The following MCC variants were observed in gnomAD, a reference collection of about 807,000 sequenced individuals.
MCC encodes colorectal mutant cancer protein.
MCC carries 90 observed loss-of-function variants against 116.2 expected under a neutral mutation model. The observed-to-expected ratio is 0.77, with a 90% confidence interval of 0.65 to 0.92. MCC has a LOEUF of 0.92. MCC is among the 40% of genes least tolerant of loss of function. The pLI, the probability that MCC is intolerant of heterozygous loss-of-function variation, is 0.00. For missense variants in MCC, 1,516 were observed against 1,312.2 expected (o/e 1.16, Z -2.40); for synonymous variants, 578 against 510.5 (o/e 1.13, Z -1.78).
At chr5:113,293,003 C>G (rs558180553) in intron 3 of MCC, among the ~76,000 whole-genome samples, 1 of 152,312 alleles carries the variant, frequency 6.6e-6, no homozygotes, top group African/African-American at 2.4e-5. Context: ...CTCAGCATTT[C>G]TTGAGTCTTC....
At chr5:113,268,544 A>G (rs1224741963) in intron 3 of MCC, among the ~76,000 whole-genome samples, 1 of 152,200 alleles carries the variant, frequency 6.6e-6, no homozygotes, top group Admixed American at 6.5e-5. Flanking sequence ...GTCAAAAGGT[A>G]GCTAAGGTAG....
At chr5:113,094,441 A>C in intron 8 of MCC, among the ~76,000 whole-genome samples, 1 of 116,946 alleles carries the variant, frequency 8.6e-6, no homozygotes, top group East Asian at 2.2e-4. Context: ...TTTTTTTTTG[A>C]GACAGAATCT....
At chr5:113,339,691 AG>A (rs1767963305) in intron 3 of MCC, among the ~76,000 whole-genome samples, 1 of 152,196 alleles carries the variant, frequency 6.6e-6, no homozygotes. Context: ...TACAATTGCT[AG>A]TTCCTTCAAA....
intron 3 of MCC, among the ~76,000 whole-genome samples, chr5:113,280,181 C>T (rs539536766): frequency 2.8e-4 from 43 of 152,242 alleles, no homozygotes; most frequent in African/African-American, 8.2e-4. Flanking sequence ...ACTGGGTGGG[C>T]CCCTGGGGCT....
chr5:113,248,044 G>A (rs1362774564), intron 3 of MCC, among the ~76,000 whole-genome samples: 2 of 152,120 alleles, frequency 1.3e-5, no homozygotes, highest in Admixed American at 6.5e-5. Context: ...GCTGGAAGAA[G>A]CAGAAGTCAG....
In MCC at chr5:113,122,675, CA is replaced by C. The variant is rs760657643; in HGVS notation, c.1027+8del. 3.1e-6 allele frequency: 5 copies of C among 1,613,372 alleles called. No homozygotes were observed. The East Asian group carries it at 1.1e-4, about 36-fold the overall frequency. ...ACTCTGGCTTGGTGGCAAGGGCAGG[CA>C]GACTCACCCATGTCAGCAGTAACCA... On this transcript the variant is annotated splice_region_variant and intron_variant, in intron 6 of 18. Coordinates refer to ENST00000408903, the MANE Select transcript of MCC (RefSeq NM_001085377.2).
chr5:113,212,505 T>C (rs940789787), intron 3 of MCC, among the ~76,000 whole-genome samples: 5 of 152,200 alleles, frequency 3.3e-5, no homozygotes, highest in African/African-American at 9.7e-5. Context: ...GCAGACAGCT[T>C]CACTATAATG....
chr5:113,077,942 A>G (rs1192203254), intron 11 of MCC, among the ~76,000 whole-genome samples: 1 of 152,086 alleles, frequency 6.6e-6, no homozygotes, highest in East Asian at 1.9e-4. Context: ...AGATGAATCA[A>G]ATAGACGCAA....
intron 1 of MCC, among the ~76,000 whole-genome samples, chr5:113,484,559 T>C (rs550687851): frequency 6.6e-6 from 1 of 152,308 alleles, no homozygotes; most frequent in Admixed American, 6.5e-5. Context: ...AATGGAATTA[T>C]AAGTTGTAAA....
intron 8 of MCC, among the ~76,000 whole-genome samples, chr5:113,093,771 G>C (rs1755816014): frequency 6.6e-6 from 1 of 152,112 alleles, no homozygotes; most frequent in South Asian, 2.1e-4. Context: ...TCACAGATGA[G>C]TGACAAGCAG....
At chr5:113,407,124 T>G (rs1046260019) in intron 1 of MCC, among the ~76,000 whole-genome samples, 1 of 152,208 alleles carries the variant, frequency 6.6e-6, no homozygotes, top group Non-Finnish European at 1.5e-5. Flanking sequence ...TAGAGTAAGT[T>G]AAAATAATTA....
chr5:113,182,509 T>A (rs1354678590), intron 3 of MCC, among the ~76,000 whole-genome samples: 1 of 152,058 alleles, frequency 6.6e-6, no homozygotes, highest in African/African-American at 2.4e-5. Context: ...GGTAGGAGAA[T>A]AGCTTGAACC....
intron 3 of MCC, among the ~76,000 whole-genome samples, chr5:113,196,466 G>A (rs1458380275): frequency 2.0e-5 from 3 of 152,216 alleles, no homozygotes; most frequent in African/African-American, 7.2e-5. Context: ...GCCCCATGTT[G>A]CTAGATACTA....
At chr5:113,459,003 C>T (rs1021247498) in intron 1 of MCC, among the ~76,000 whole-genome samples, 35 of 152,232 alleles carry the variant, frequency 2.3e-4, no homozygotes, top group African/African-American at 8.2e-4. Flanking sequence ...TCAAACATCC[C>T]TAACCTTGCC....
At chr5:113,197,548 C>G (rs1009106884) in intron 3 of MCC, among the ~76,000 whole-genome samples, 6 of 152,180 alleles carry the variant, frequency 3.9e-5, no homozygotes, top group African/African-American at 1.4e-4. Flanking sequence ...AGCTCCCTAG[C>G]ACACAGGAAG....
intron 1 of MCC, among the ~76,000 whole-genome samples, chr5:113,412,061 T>C (rs1056229522): frequency 1.3e-5 from 2 of 152,240 alleles, no homozygotes; most frequent in African/African-American, 4.8e-5. Context: ...TTGTCAGGTT[T>C]ATCAAAGATC....
At chr5:113,417,463 T>C (rs1197131167) in intron 1 of MCC, among the ~76,000 whole-genome samples, 1 of 152,210 alleles carries the variant, frequency 6.6e-6, no homozygotes, top group Non-Finnish European at 1.5e-5. Context: ...AAGAGGTCAG[T>C]GATTTCCCTG....
chr5:113,122,487 T>C (rs576641556), intron 6 of MCC, among the ~76,000 whole-genome samples, 197 bp downstream of exon 6: 18 of 152,238 alleles, frequency 1.2e-4, no homozygotes, highest in Admixed American at 2.6e-4. Context: ...TGAATCACAA[T>C]TGTATCAGAG....
At chr5:113,438,512 G>A (rs1770932912) in intron 1 of MCC, among the ~76,000 whole-genome samples, 1 of 152,140 alleles carries the variant, frequency 6.6e-6, no homozygotes, top group African/African-American at 2.4e-5. Context: ...TGCAAAATAG[G>A]TATGCACTTT....
Sources: gnomAD v4.1 joint callset for allele counts (sites outside exome capture counted in the v4.1 genomes callset) on GRCh38, gnomAD v4.1.1 for gene constraint, MANE v1.5 for transcripts, NCBI Gene and HGNC (gene_info 2026-07-23, HGNC 2026-07-21) for gene names.